The following CSRNP3 variants were observed in gnomAD, a reference collection of about 807,000 sequenced individuals.
CSRNP3 encodes the protein cysteine and serine rich nuclear protein 3.
CSRNP3 carries 12 observed loss-of-function variants against 48.0 expected under a neutral mutation model. The ratio of observed to expected loss-of-function variants is 0.25; its 90% CI spans 0.16 to 0.41. CSRNP3 has a LOEUF of 0.41. Ranked by LOEUF, CSRNP3 falls within the 10% of genes least tolerant of loss-of-function variation. The pLI is 1.00. For missense variants in CSRNP3, 580 were observed against 724.4 expected (o/e 0.80, Z 2.29); for synonymous variants, 263 against 269.7 (o/e 0.98, Z 0.24).
intron 3 of CSRNP3, among the ~76,000 whole-genome samples, chr2:165,526,542 G>T (rs1684734122): frequency 6.6e-6 from 1 of 152,102 alleles, no homozygotes; most frequent in Non-Finnish European, 1.5e-5. Context: ...AAAAACATTT[G>T]CTCTATAATG....
At chr2:165,499,548 G>A (rs542403348) in intron 2 of CSRNP3, among the ~76,000 whole-genome samples, 1 of 152,186 alleles carries the variant, frequency 6.6e-6, no homozygotes, top group Admixed American at 6.5e-5. Context: ...TAAATACGCT[G>A]GGAATGTTTT....
intron 1 of CSRNP3, among the ~76,000 whole-genome samples, chr2:165,480,438 G>A (rs1285579161): frequency 6.6e-6 from 1 of 152,008 alleles, no homozygotes; most frequent in Admixed American, 6.6e-5. Flanking sequence ...GAATCTTAAG[G>A]GCCTTTAGAA....
chr2:165,589,811 C>T (rs1466421590), intron 3 of CSRNP3, among the ~76,000 whole-genome samples: 1 of 152,156 alleles, frequency 6.6e-6, no homozygotes, highest in Non-Finnish European at 1.5e-5. Context: ...AATGTTGTGA[C>T]ATGCATCCCT....
chr2:165,485,296 C>T (rs753956039), intron 1 of CSRNP3, among the ~76,000 whole-genome samples: 6 of 152,208 alleles, frequency 3.9e-5, no homozygotes, highest in Non-Finnish European at 7.4e-5. Context: ...AATATATCAC[C>T]TTGACAGAAA....
chr2:165,490,845 C>A, intron 1 of CSRNP3, among the ~76,000 whole-genome samples: 1 of 131,576 alleles, frequency 7.6e-6, no homozygotes, highest in African/African-American at 2.8e-5. Flanking sequence ...GCATAAAAAC[C>A]CTAGAAGAAA....
chr2:165,620,124 G>A (rs1205339902), intron 4 of CSRNP3, among the ~76,000 whole-genome samples: 1 of 152,074 alleles, frequency 6.6e-6, no homozygotes, highest in Non-Finnish European at 1.5e-5. Flanking sequence ...CATAATTGTT[G>A]CAAGACAAAG....
At chr2:165,521,173 C>CAAAAAAAAAA (rs1348766008) in intron 3 of CSRNP3, among the ~76,000 whole-genome samples, 5 of 135,644 alleles carry the variant, frequency 3.7e-5, no homozygotes, top group Admixed American at 7.4e-5. Context: ...ATGGGAAAGC[C>CAAAAAAAAAA]AAAAAAAAAA....
chr2:165,658,145 AT>A (rs572430682), intron 5 of CSRNP3, 125 bp downstream of exon 5: 13 of 1,101,178 alleles, frequency 1.2e-5, no homozygotes, highest in African/African-American at 1.1e-4. Flanking sequence ...GCTTGCTGAC[AT>A]TTTTTTAAAG....
intron 3 of CSRNP3, among the ~76,000 whole-genome samples, chr2:165,570,058 A>G (rs771960813): frequency 8.6e-5 from 13 of 152,040 alleles, no homozygotes; most frequent in Non-Finnish European, 1.6e-4. Context: ...GTTAAAGCCA[A>G]TTTAAAGAAC....
chr2:165,509,839 A>G lies in CSRNP3; in HGVS notation c.-112-8034A>G, dbSNP rs1426001135. On this transcript the variant is annotated intron_variant, in intron 2 of 6. Coordinates refer to ENST00000651982, the MANE Select transcript of CSRNP3 (RefSeq NM_001172173.2). The stretch of plus-strand genomic sequence containing the variant: ...TTTGATACAGGATCCAATCAAGGAT[A>G]CCACATTGAATTCGGTCATCATGTC... Among the ~76,000 whole-genome samples the G allele has an allele frequency of 2.6e-5, 4 of 152,182 alleles. No homozygotes were observed. In the South Asian group the frequency reaches 6.2e-4, roughly 24 times the overall value.
At chr2:165,523,424 C>T (rs1484924141) in intron 3 of CSRNP3, among the ~76,000 whole-genome samples, 1 of 152,144 alleles carries the variant, frequency 6.6e-6, no homozygotes, top group African/African-American at 2.4e-5. Context: ...CTCATTCAAG[C>T]TCTCCAAGCA....
At chr2:165,598,828 C>A (rs998909857) in intron 4 of CSRNP3, among the ~76,000 whole-genome samples, 1 of 151,964 alleles carries the variant, frequency 6.6e-6, no homozygotes, top group African/African-American at 2.4e-5. Flanking sequence ...ATAAAAAGTG[C>A]CCTTTTAATT....
chr2:165,513,141 G>T (rs1332721684), intron 2 of CSRNP3, among the ~76,000 whole-genome samples: 2 of 152,140 alleles, frequency 1.3e-5, no homozygotes, highest in East Asian at 3.9e-4. Context: ...CTGCATAGAA[G>T]ATTGCTGTCT....
In CSRNP3 at chr2:165,676,725, G is replaced by A. The variant is rs547810015; in HGVS notation, c.705+117G>A. The stretch of plus-strand genomic sequence containing the variant: ...CATGTAAAAGAAAATTTTTTGGCAA[G>A]GCAAGACATGTAATTCAGGAAGAAA... On this transcript the variant is annotated intron_variant, in intron 6 of 6. Transcript: ENST00000651982. 8 of 754,618 alleles carry A rather than the reference G, an allele frequency of 1.1e-5. No homozygotes were observed. In the African/African-American group the frequency reaches 1.2e-4, roughly 11 times the overall value. The allele number at this position is 754,618 out of a possible 1,614,324, so 46.7% of individuals were successfully genotyped here.
chr2:165,580,170 C>T (rs959963722), intron 3 of CSRNP3, among the ~76,000 whole-genome samples: 4 of 151,920 alleles, frequency 2.6e-5, no homozygotes, highest in African/African-American at 7.3e-5. Flanking sequence ...CCTCGTGATC[C>T]GCCTGACTCT....
At chr2:165,507,021 G>A (rs899761517) in intron 2 of CSRNP3, among the ~76,000 whole-genome samples, 1 of 152,000 alleles carries the variant, frequency 6.6e-6, no homozygotes, top group Non-Finnish European at 1.5e-5. Flanking sequence ...ATGAAAAAAA[G>A]CTAAACTAAA....
At chr2:165,529,838 G>T (rs547374146) in intron 3 of CSRNP3, among the ~76,000 whole-genome samples, 38 of 152,234 alleles carry the variant, frequency 2.5e-4, no homozygotes, top group African/African-American at 9.1e-4. Flanking sequence ...TCCTATTCCT[G>T]TCTATAAAGG....
At chr2:165,534,400 A>T (rs953150460) in intron 3 of CSRNP3, among the ~76,000 whole-genome samples, 3 of 151,984 alleles carry the variant, frequency 2.0e-5, no homozygotes, top group African/African-American at 7.2e-5. Context: ...TGTAGGACAG[A>T]TTCTTTTATA....
chr2:165,510,723 G>A (rs1684489849), intron 2 of CSRNP3, among the ~76,000 whole-genome samples: 1 of 152,084 alleles, frequency 6.6e-6, no homozygotes, highest in African/African-American at 2.4e-5. Flanking sequence ...ACTTATTATT[G>A]TTATTTTTTG....
Sources: allele counts gnomAD v4.1 joint callset (sites outside exome capture counted in the v4.1 genomes callset), GRCh38; gene constraint gnomAD v4.1.1; transcripts MANE v1.5; gene names NCBI Gene and HGNC (gene_info 2026-07-23, HGNC 2026-07-21).